CCDC186: variants seen among roughly 807,000 people sequenced by gnomAD.
The protein encoded by CCDC186 is coiled-coil domain containing 186.
Under a neutral mutation model 113.7 loss-of-function variants are expected in CCDC186, and 49 were observed. The observed-to-expected ratio is 0.43, with a 90% CI of 0.34 to 0.55. CCDC186 has a LOEUF of 0.55. CCDC186 is among the 20% of genes least tolerant of loss of function. The pLI is 0.02. For synonymous variants in CCDC186, 355 were observed against 345.8 expected, an observed-to-expected ratio of 1.03 and a Z score of -0.30; for missense variants, 890 against 1,011.1, an observed-to-expected ratio of 0.88 and a Z score of 1.62.
rs2030785807 is a variant in CCDC186 at position 114,123,265 on chromosome 10, G to A, written c.*1878C>T. ...AAAAGAACAAGACACATTATGTTAAGACTAATACTTTTTATAACTATTCTA... is the reference window on the plus strand; with the variant it reads ...AAAAGAACAAGACACATTATGTTAAAACTAATACTTTTTATAACTATTCTA... On this transcript the variant is annotated 3_prime_UTR_variant, in exon 16 of 16. Coordinates refer to ENST00000369287, the MANE Select transcript of CCDC186 (RefSeq NM_018017.4). 1 of 152,400 alleles carries A rather than the reference G, an allele frequency of 6.6e-6. No individual in the cohort carries two copies. The highest frequency in any genetic ancestry group is 2.1e-4 in the South Asian group (1 of 4,826). 9.4% of individuals were successfully genotyped at this position (152,400 alleles called of 1,614,324 possible).
intron 6 of CCDC186, among the ~76,000 whole-genome samples, chr10:114,141,826 T>C (rs779930238): frequency 6.6e-6 from 1 of 152,194 alleles, no homozygotes; most frequent in Non-Finnish European, 1.5e-5. Flanking sequence ...CAGGTTCTTC[T>C]TGTTCTGCAG....
rs1327587839 is a variant in CCDC186 at position 114,131,195 on chromosome 10, G to A, written c.2053C>T (p.Arg685Cys). The change falls in exon 12 of 16, where the codon CGT (arginine) becomes TGT (cysteine). Residue 685 changes from arginine to cysteine, a missense_variant. Transcript: ENST00000369287. Reference sequence around the variant, plus strand: ...TCCTTGATACTAGAGGCATGTTTACGTCTCTGAGTTACTAACTCATCTTTT... The same window carrying A: ...TCCTTGATACTAGAGGCATGTTTACATCTCTGAGTTACTAACTCATCTTTT... ...ELKDELVTQR[R>C]KHASSIKDLT... is the part of the protein sequence containing the mutation. 2.5e-6 allele frequency: 4 copies of A among 1,591,850 alleles called. No individual in the cohort carries two copies. Among genetic ancestry groups the A allele is most frequent in the African/African-American group, 1.4e-5 (1 of 73,776 alleles).
intron 3 of CCDC186, 121 bp from the exon 4 acceptor site, chr10:114,151,341 T>C: frequency 1.3e-6 from 1 of 798,156 alleles, no homozygotes. Flanking sequence ...CTTCAGCTAT[T>C]GAAATAAAAA....
chr10:114,170,977 T>C (rs1471294386), intron 1 of CCDC186, among the ~76,000 whole-genome samples: 3 of 152,136 alleles, frequency 2.0e-5, no homozygotes, highest in African/African-American at 2.4e-5. Context: ...GGCCACATCA[T>C]AGTTCACCTT....
At position 114,131,239 on chromosome 10, in the gene CCDC186, C is replaced by T; in HGVS notation, c.2009G>A (p.Ser670Asn). 1.2e-6 allele frequency: 2 copies of T among 1,602,642 alleles called. No individual in the cohort carries two copies. Among genetic ancestry groups the T allele is most frequent in the Non-Finnish European group, 1.7e-6 (2 of 1,175,128 alleles). ...ACRQTEVKAL[S>N]TQVEELKDEL... ...ATCTTTTAATTCTTCTACCTGGGTA[C>T]TCAATGCTTTAACTTCTGTTTGTCT... The change falls in exon 12 of 16, where the codon AGT (serine) becomes AAT (asparagine). Residue 670 changes from serine to asparagine, a missense_variant. Coordinates refer to ENST00000369287, the MANE Select transcript of CCDC186 (RefSeq NM_018017.4).
chr10:114,125,145 A>C lies in CCDC186; in HGVS notation c.2695T>G (p.Ter899GluextTer7). The C allele has an allele frequency of 6.2e-7, 1 of 1,601,930 alleles. No individual in the cohort carries two copies. The highest frequency in any genetic ancestry group is 1.7e-4 in the Middle Eastern group (1 of 6,034). ...CTTTACTGAGCAAGAGGCTTGTTTTAGGTTTTCTTTGTCCTCTGTTCTAGT... is the reference window on the plus strand; with the variant it reads ...CTTTACTGAGCAAGAGGCTTGTTTTCGGTTTTCTTTGTCCTCTGTTCTAGT... ...HELEQRTKKT[*>E] The change falls in exon 16 of 16, where the codon TAA (stop) becomes GAA (glutamate). Residue 899 changes from the stop codon to glutamate, a stop_lost. Transcript: ENST00000369287.
intron 6 of CCDC186, among the ~76,000 whole-genome samples, chr10:114,141,382 A>T (rs1304806218): frequency 6.6e-6 from 1 of 152,160 alleles, no homozygotes; most frequent in Admixed American, 6.5e-5. Context: ...TACTTGAAAC[A>T]AATTATTTGA....
At chr10:114,146,383 C>T (rs942802240) in intron 4 of CCDC186, among the ~76,000 whole-genome samples, 8 of 152,144 alleles carry the variant, frequency 5.3e-5, no homozygotes, top group South Asian at 2.1e-4. Context: ...TCTTCATCAC[C>T]GGTTTAAGTG....
intron 1 of CCDC186, among the ~76,000 whole-genome samples, chr10:114,170,853 C>A (rs1196289439): frequency 6.6e-6 from 1 of 151,864 alleles, no homozygotes; most frequent in African/African-American, 2.4e-5. Context: ...GCAATAGATG[C>A]GGCAAGACCC....
Position 114,145,540 on chromosome 10 carries a change from A to T in CCDC186, c.1101+9T>A. The T allele has an allele frequency of 6.3e-7, 1 of 1,575,522 alleles. No individual in the cohort carries two copies. Among genetic ancestry groups the T allele is most frequent in the Non-Finnish European group, 8.6e-7 (1 of 1,167,338 alleles). On this transcript the variant is annotated intron_variant, in intron 5 of 15. Transcript: ENST00000369287. Reference sequence around the variant, plus strand: ...AAGGTCAACATATTTCAAATGGCACAAGTTATACCTTAGTTTCATACAGCT... The same window carrying T: ...AAGGTCAACATATTTCAAATGGCACTAGTTATACCTTAGTTTCATACAGCT...
Position 114,131,242 on chromosome 10 carries a change from A to C in CCDC186, c.2006T>G (p.Leu669Trp), listed in dbSNP as rs941008092. ...TTTTAATTCTTCTACCTGGGTACTC[A>C]ATGCTTTAACTTCTGTTTGTCTACA... Reference protein sequence around the residue: ...LACRQTEVKALSTQVEELKDE... With the variant: ...LACRQTEVKAWSTQVEELKDE... Residue 669 changes from leucine (L) to tryptophan (W), a missense_variant, in exon 12 of 16, where the codon TTG becomes TGG. Transcript: ENST00000369287. The C allele has an allele frequency of 5.0e-6, 8 of 1,602,766 alleles. No homozygotes were observed. The highest frequency in any genetic ancestry group is 3.4e-5 in the South Asian group (3 of 89,068).
chr10:114,138,308 TTTG>T (rs1380558906), intron 6 of CCDC186, among the ~76,000 whole-genome samples: 1,215 of 37,150 alleles, frequency 0.033, 32 homozygotes, highest in Middle Eastern at 0.051. Flanking sequence ...TTTTTTTTTT[TTTG>T]GAGACAGCGT....
At chr10:114,141,483 G>A (rs1256369433) in intron 6 of CCDC186, among the ~76,000 whole-genome samples, 6 of 152,110 alleles carry the variant, frequency 3.9e-5, no homozygotes, top group Admixed American at 2.0e-4. Context: ...AACCTTCTGG[G>A]GGCTGCTTGA....
chr10:114,166,227 A>T (rs1217899407), intron 1 of CCDC186, among the ~76,000 whole-genome samples: 1 of 152,164 alleles, frequency 6.6e-6, no homozygotes, highest in East Asian at 1.9e-4. Flanking sequence ...ATCTCTCAAC[A>T]CATTCCTGAA....
At chr10:114,167,397 G>C (rs1011670571) in intron 1 of CCDC186, among the ~76,000 whole-genome samples, 2 of 152,134 alleles carry the variant, frequency 1.3e-5, no homozygotes, top group Non-Finnish European at 2.9e-5. Context: ...ACCATAAATA[G>C]CTGCACAAGA....
At chr10:114,168,684 A>T (rs889386527) in intron 1 of CCDC186, among the ~76,000 whole-genome samples, 1 of 152,002 alleles carries the variant, frequency 6.6e-6, no homozygotes, top group Non-Finnish European at 1.5e-5. Context: ...CCTGCCCACC[A>T]AATTATCCTT....
intron 1 of CCDC186, among the ~76,000 whole-genome samples, chr10:114,163,647 T>C (rs1433744111): frequency 6.6e-6 from 1 of 152,152 alleles, no homozygotes; most frequent in East Asian, 1.9e-4. Flanking sequence ...CGCTAGCAAC[T>C]AGACGAGTGC....
At chr10:114,168,028 T>C (rs1030789630) in intron 1 of CCDC186, 5 of 152,046 alleles carry the variant, frequency 3.3e-5, no homozygotes, top group African/African-American at 1.2e-4. Context: ...CACTCATATA[T>C]ATATATAGTA....
chr10:114,154,057 A>G (rs1437978910), intron 3 of CCDC186, among the ~76,000 whole-genome samples: 1 of 151,766 alleles, frequency 6.6e-6, no homozygotes, highest in East Asian at 1.9e-4. Flanking sequence ...AAAAAAATAC[A>G]AAAATTAGCT....
Sources: allele counts gnomAD v4.1 joint callset (sites outside exome capture counted in the v4.1 genomes callset), GRCh38; gene constraint gnomAD v4.1.1; transcripts MANE v1.5; gene names NCBI Gene and HGNC (gene_info 2026-07-23, HGNC 2026-07-21).